Variants in FBN1 observed in about 807,000 individuals in gnomAD.
FBN1 encodes the protein fibrillin-1.
In FBN1, 29 loss-of-function variants were observed where a neutral mutation model predicts 365.1. That is an observed-to-expected ratio of 0.08 (90% CI 0.06 to 0.11). The LOEUF (loss-of-function observed/expected upper bound fraction) is 0.11. Ranked by LOEUF, FBN1 falls within the 10% of genes least tolerant of loss-of-function variation. The pLI is 1.00. For missense variants in FBN1, 2,476 were observed against 3,703.2 expected (o/e 0.67, Z 8.60); for synonymous variants, 1,210 against 1,270.5 (o/e 0.95, Z 1.01).
intron 2 of FBN1, among the ~76,000 whole-genome samples, chr15:48,638,037 CTT>C (rs72166602): frequency 5.5e-5 from 8 of 144,536 alleles, no homozygotes; most frequent in East Asian, 2.0e-4. Context: ...CACTGATAAA[CTT>C]TTTTTTTTTT....
chr15:48,435,947 A>T (rs2043069184), intron 53 of FBN1, among the ~76,000 whole-genome samples: 1 of 152,032 alleles, frequency 6.6e-6, no homozygotes, highest in Non-Finnish European at 1.5e-5. Flanking sequence ...TAAGGCACAG[A>T]AGAGTAATGG....
chr15:48,645,629 T>A lies in FBN1; in HGVS notation c.-236A>T, dbSNP rs1890294043. 6.6e-6 allele frequency: 1 copy of A among 152,372 alleles called. No homozygotes were observed. The highest frequency in any genetic ancestry group is 2.4e-5 in the African/African-American group (1 of 41,446). 9.4% of individuals were successfully genotyped at this position (152,372 alleles called of 1,614,324 possible). A position where few individuals can be genotyped will look rare whatever the true frequency, so the allele number is the denominator to read the frequency against. On this transcript the variant is annotated 5_prime_UTR_variant, in exon 1 of 66. Transcript: ENST00000316623. The stretch of plus-strand genomic sequence containing the variant: ...AGGCGGCGGCGGCTGCTCCCAGTCG[T>A]GGCCGCTACAGCCACTGCTCGGCTC...
At position 48,508,573 on chromosome 15, in the gene FBN1, A is replaced by T. The variant is rs56102085; in HGVS notation, c.1837+9T>A. 2 of 1,613,740 alleles carry T rather than the reference A, an allele frequency of 1.2e-6. No individual in the cohort carries two copies. The highest frequency in any genetic ancestry group is 4.5e-5 in the East Asian group (2 of 44,866). ...TGAAGAACATGATCTAGGGTTTTATAGCACGAACCTTTGCAATAACGTCCA... is the reference window on the plus strand; with the variant it reads ...TGAAGAACATGATCTAGGGTTTTATTGCACGAACCTTTGCAATAACGTCCA... On this transcript the variant is annotated intron_variant, in intron 15 of 65. Transcript: ENST00000316623.
At chr15:48,420,084 T>C (rs1334172158) in intron 63 of FBN1, among the ~76,000 whole-genome samples, 1 of 152,228 alleles carries the variant, frequency 6.6e-6, no homozygotes, top group Non-Finnish European at 1.5e-5. Context: ...CTGATGTGCA[T>C]TAAGAGTTAT....
At chr15:48,416,324 G>T (rs1389431228) in intron 63 of FBN1, among the ~76,000 whole-genome samples, 1 of 152,124 alleles carries the variant, frequency 6.6e-6, no homozygotes, top group Non-Finnish European at 1.5e-5. Flanking sequence ...TGCCCCAAGT[G>T]TCTGCCCCAC....
chr15:48,485,709 G>A (rs1468829149), intron 29 of FBN1, among the ~76,000 whole-genome samples: 1 of 152,168 alleles, frequency 6.6e-6, no homozygotes, highest in South Asian at 2.1e-4. Context: ...TTTCACCCTC[G>A]TGCTTTCTTC....
chr15:48,576,506 C>T (rs1311323713), intron 6 of FBN1, among the ~76,000 whole-genome samples: 2 of 152,120 alleles, frequency 1.3e-5, no homozygotes, highest in Admixed American at 6.5e-5. Flanking sequence ...AGGGCAGGAA[C>T]CTTGTTTTAT....
At chr15:48,489,121 G>A (rs147972600) in intron 25 of FBN1, among the ~76,000 whole-genome samples, 14 of 150,534 alleles carry the variant, frequency 9.3e-5, no homozygotes, top group African/African-American at 3.2e-4. Flanking sequence ...TGCAACCTCT[G>A]CCTCCCAGAT....
intron 6 of FBN1, among the ~76,000 whole-genome samples, chr15:48,575,940 A>G (rs1197495509): frequency 6.6e-6 from 1 of 152,132 alleles, no homozygotes; most frequent in Non-Finnish European, 1.5e-5. Context: ...AAAAGAATAG[A>G]AACAGAAAGT....
At chr15:48,549,737 G>T (rs2044126518) in intron 6 of FBN1, among the ~76,000 whole-genome samples, 1 of 151,652 alleles carries the variant, frequency 6.6e-6, no homozygotes, top group South Asian at 2.1e-4. Flanking sequence ...TAAGAATTTG[G>T]CATTACTTAG....
chr15:48,565,229 T>C (rs1022420881), intron 6 of FBN1, among the ~76,000 whole-genome samples: 1 of 152,166 alleles, frequency 6.6e-6, no homozygotes, highest in Non-Finnish European at 1.5e-5. Flanking sequence ...ATTAAATAGA[T>C]ACATGAAAAG....
intron 6 of FBN1, among the ~76,000 whole-genome samples, chr15:48,545,776 C>T (rs2044089063): frequency 6.6e-6 from 1 of 152,146 alleles, no homozygotes; most frequent in Non-Finnish European, 1.5e-5. Flanking sequence ...ACCCCCAGCA[C>T]TTTGGGAGGA....
chr15:48,458,423 C>T (rs1291483232), intron 43 of FBN1, among the ~76,000 whole-genome samples: 1 of 152,152 alleles, frequency 6.6e-6, no homozygotes, highest in African/African-American at 2.4e-5. Flanking sequence ...ATTTTGAATA[C>T]ACGCAATTAT....
intron 2 of FBN1, among the ~76,000 whole-genome samples, chr15:48,619,159 G>C (rs1378277095): frequency 1.3e-5 from 2 of 152,200 alleles, no homozygotes. Context: ...GGAGACCACT[G>C]CTGTAGACCC....
chr15:48,575,632 T>C (rs570077871), intron 6 of FBN1, among the ~76,000 whole-genome samples: 2 of 152,228 alleles, frequency 1.3e-5, no homozygotes, highest in African/African-American at 4.8e-5. Context: ...GAAAACAGTA[T>C]GGACATTTCT....
At chr15:48,433,171 G>A (rs548257424) in intron 54 of FBN1, among the ~76,000 whole-genome samples, 183 bp from the exon 55 acceptor site, 1 of 152,240 alleles carries the variant, frequency 6.6e-6, no homozygotes, top group South Asian at 2.1e-4. Context: ...TTTATATTTG[G>A]TATAAACAGA....
intron 42 of FBN1, among the ~76,000 whole-genome samples, chr15:48,461,479 T>A (rs2043279894): frequency 6.6e-6 from 1 of 152,216 alleles, no homozygotes; most frequent in South Asian, 2.1e-4. Context: ...AAATTAATTT[T>A]GTGTACACTT....
intron 49 of FBN1, among the ~76,000 whole-genome samples, chr15:48,442,104 C>T (rs1429551256): frequency 6.6e-6 from 1 of 152,156 alleles, no homozygotes; most frequent in African/African-American, 2.4e-5. Flanking sequence ...CGTCTCTTAC[C>T]CAGACTGAGT....
At chr15:48,596,643 C>T (rs930070320) in intron 5 of FBN1, among the ~76,000 whole-genome samples, 1 of 152,178 alleles carries the variant, frequency 6.6e-6, no homozygotes, top group African/African-American at 2.4e-5. Flanking sequence ...AGTTTAACCT[C>T]GAAAACAGTG....
Sources: allele counts gnomAD v4.1 joint callset (sites outside exome capture counted in the v4.1 genomes callset), GRCh38; gene constraint gnomAD v4.1.1; transcripts MANE v1.5; gene names NCBI Gene and HGNC (gene_info 2026-07-23, HGNC 2026-07-21).